SPOCK3: variants seen among roughly 807,000 people sequenced by gnomAD.
The protein encoded by SPOCK3 is testican-3.
A neutral mutation model predicts 56.6 loss-of-function variants in SPOCK3; 30 were observed. The ratio of observed to expected loss-of-function variants is 0.53; its 90% CI spans 0.40 to 0.72. The LOEUF is 0.72. Among genes scored for constraint, SPOCK3 ranks in the 30% least tolerant of loss-of-function variants. The pLI, the probability that SPOCK3 is intolerant of heterozygous loss-of-function variation, is 0.00. For missense variants in SPOCK3, 527 were observed against 530.0 expected, an observed-to-expected ratio of 0.99 and a Z score of 0.06; for synonymous variants, 196 against 183.3, an observed-to-expected ratio of 1.07 and a Z score of -0.56.
chr4:167,192,674 C>T (rs1260930963), intron 2 of SPOCK3, among the ~76,000 whole-genome samples: 1 of 144,418 alleles, frequency 6.9e-6, no homozygotes. Flanking sequence ...TGTCTTTTTT[C>T]TGACATCTCA....
chr4:166,767,430 C>G (rs1341323623), intron 7 of SPOCK3, among the ~76,000 whole-genome samples: 1 of 151,996 alleles, frequency 6.6e-6, no homozygotes, highest in African/African-American at 2.4e-5. Flanking sequence ...TTATTTCTGC[C>G]TTCATTTCAT....
At chr4:167,207,414 TAA>T (rs967715185) in intron 2 of SPOCK3, among the ~76,000 whole-genome samples, 1 of 151,516 alleles carries the variant, frequency 6.6e-6, no homozygotes. Flanking sequence ...ATAAAAAAAC[TAA>T]AAAAAATGTA....
At chr4:167,070,524 C>G (rs1191944873) in intron 2 of SPOCK3, among the ~76,000 whole-genome samples, 1 of 151,842 alleles carries the variant, frequency 6.6e-6, no homozygotes, top group Non-Finnish European at 1.5e-5. Flanking sequence ...ATCTCCCAAA[C>G]CCTCTCAAAC....
At chr4:167,014,431 A>G (rs571835139) in intron 3 of SPOCK3, among the ~76,000 whole-genome samples, 2 of 152,200 alleles carry the variant, frequency 1.3e-5, no homozygotes, top group East Asian at 3.9e-4. Context: ...GGATTGCTTG[A>G]GGCCTGGAGC....
chr4:167,166,774 T>G (rs1729991703), intron 2 of SPOCK3, among the ~76,000 whole-genome samples: 1 of 152,140 alleles, frequency 6.6e-6, no homozygotes, highest in Non-Finnish European at 1.5e-5. Context: ...GCATGGGATT[T>G]TGAAAATGGC....
chr4:166,914,489 G>C (rs1159039118), intron 4 of SPOCK3, among the ~76,000 whole-genome samples: 6 of 152,080 alleles, frequency 3.9e-5, no homozygotes, highest in Non-Finnish European at 1.5e-5. Flanking sequence ...TTGAAGATTT[G>C]GCTGGGCACG....
intron 6 of SPOCK3, among the ~76,000 whole-genome samples, chr4:166,819,282 A>G: frequency 6.6e-6 from 1 of 152,068 alleles, no homozygotes; most frequent in Non-Finnish European, 1.5e-5. Context: ...TTGAAGGCAT[A>G]AGGCTGAATC....
intron 3 of SPOCK3, among the ~76,000 whole-genome samples, chr4:167,044,810 C>T (rs1259123410): frequency 6.6e-6 from 1 of 151,966 alleles, no homozygotes; most frequent in African/African-American, 2.4e-5. Flanking sequence ...TTTAATTTGT[C>T]CAGGTGTGTT....
At chr4:167,215,453 T>C (rs989719605) in intron 2 of SPOCK3, among the ~76,000 whole-genome samples, 63 of 151,722 alleles carry the variant, frequency 4.2e-4, no homozygotes, top group Middle Eastern at 3.4e-3. Flanking sequence ...GAAGAGGTCA[T>C]GGAAAAAGGA....
rs575467461 is a variant in SPOCK3 at position 167,225,869 on chromosome 4, A to G, written c.189+8116T>C. On this transcript the variant is annotated intron_variant, in intron 2 of 10. Coordinates refer to ENST00000357545, the MANE Select transcript of SPOCK3 (RefSeq NM_001040159.2). ...TTCCTAACTGTCCCAGAGATACTAG[A>G]ACCAAAAAGATTGTTTTCTTTGCTT... Among the ~76,000 whole-genome samples, 7 of 152,316 alleles carry G rather than the reference A, an allele frequency of 4.6e-5. No individual in the cohort carries two copies. In the South Asian group the frequency reaches 1.5e-3, roughly 32 times the overall value.
At chr4:167,011,288 C>T (rs1415305849) in intron 3 of SPOCK3, 3 of 455,910 alleles carry the variant, frequency 6.6e-6, no homozygotes, top group Non-Finnish European at 1.3e-5. Flanking sequence ...ATCCCCAAAT[C>T]GTGGAAGGAG....
chr4:167,157,228 G>A (rs1000230503), intron 2 of SPOCK3, among the ~76,000 whole-genome samples: 2 of 152,014 alleles, frequency 1.3e-5, no homozygotes, highest in African/African-American at 4.8e-5. Flanking sequence ...TTATATTTTT[G>A]AGAACAACCA....
intron 6 of SPOCK3, among the ~76,000 whole-genome samples, chr4:166,871,901 A>G (rs1276868544): frequency 2.0e-5 from 3 of 151,460 alleles, no homozygotes; most frequent in Non-Finnish European, 4.4e-5. Context: ...AATGTAACAT[A>G]TTAGAATACC....
At chr4:166,762,320 C>A (rs1416792925) in intron 7 of SPOCK3, among the ~76,000 whole-genome samples, 1 of 151,984 alleles carries the variant, frequency 6.6e-6, no homozygotes. Flanking sequence ...TTCTAATTAC[C>A]AGAAGTTGCC....
chr4:167,061,714 T>G (rs1755625610), intron 3 of SPOCK3, among the ~76,000 whole-genome samples: 2 of 152,062 alleles, frequency 1.3e-5, no homozygotes, highest in Admixed American at 6.6e-5. Flanking sequence ...GTCTGACTAC[T>G]TCACAAAGTA....
chr4:166,877,766 C>T (rs900855867), intron 6 of SPOCK3, among the ~76,000 whole-genome samples: 1 of 152,160 alleles, frequency 6.6e-6, no homozygotes, highest in African/African-American at 2.4e-5. Context: ...GTAACAACTT[C>T]ATTACAAGTG....
intron 6 of SPOCK3, among the ~76,000 whole-genome samples, chr4:166,810,932 A>G (rs946274119): frequency 1.3e-5 from 2 of 151,944 alleles, no homozygotes; most frequent in African/African-American, 4.8e-5. Context: ...ACTTCTACAA[A>G]TAGGATTGAA....
intron 8 of SPOCK3, among the ~76,000 whole-genome samples, chr4:166,752,604 A>T (rs1736563142): frequency 6.7e-6 from 1 of 149,956 alleles, no homozygotes; most frequent in African/African-American, 2.5e-5. Flanking sequence ...ACACACACAC[A>T]CACACACACA....
chr4:167,115,460 T>C (rs1407063439), intron 2 of SPOCK3, among the ~76,000 whole-genome samples: 1 of 152,080 alleles, frequency 6.6e-6, no homozygotes, highest in Non-Finnish European at 1.5e-5. Flanking sequence ...ATATTGGTCC[T>C]GGGTAACTTA....
Sources: gnomAD v4.1 joint callset for allele counts (sites outside exome capture counted in the v4.1 genomes callset) on GRCh38, gnomAD v4.1.1 for gene constraint, MANE v1.5 for transcripts, NCBI Gene and HGNC (gene_info 2026-07-23, HGNC 2026-07-21) for gene names.